Variants in WWC2 observed in about 807,000 individuals in gnomAD.
The protein encoded by WWC2 is protein WWC2.
A neutral mutation model predicts 138.5 loss-of-function variants in WWC2; 101 were observed. That is an observed-to-expected ratio of 0.73 (90% CI 0.62 to 0.86). The LOEUF (loss-of-function observed/expected upper bound fraction) is 0.86. WWC2 is among the 40% of genes least tolerant of loss of function. The probability of loss-of-function intolerance (pLI) is 0.00; values close to 1 mark genes in which losing one functional copy is unlikely to be tolerated. For synonymous variants in WWC2, 558 were observed against 538.4 expected (o/e 1.04, Z -0.50); for missense variants, 1,420 against 1,419.4 (o/e 1.00, Z -0.01).
chr4:183,282,774 A>G lies in WWC2; in HGVS notation c.2751A>G (p.Pro917=), dbSNP rs753212486. ...VAEKEAEVKL[P]EDSSCTEDLS... ...AAAAAGAGGCTGAAGTTAAATTGCC[A>G]GAGGACAGTAGCTGTACAGAAGATT... is the stretch of plus-strand genomic sequence containing the variant. Residue 917 remains proline, a synonymous_variant, in exon 18 of 23, where the codon CCA becomes CCG. Transcript: ENST00000403733. 9 of 1,581,716 alleles carry G rather than the reference A, an allele frequency of 5.7e-6. No individual in the cohort carries two copies. The highest frequency in any genetic ancestry group is 7.7e-6 in the Non-Finnish European group (9 of 1,163,188).
At chr4:183,307,664 A>G (rs1014261768) in intron 21 of WWC2, among the ~76,000 whole-genome samples, 1 of 152,250 alleles carries the variant, frequency 6.6e-6, no homozygotes, top group African/African-American at 2.4e-5. Flanking sequence ...AGTGAATCAC[A>G]TCAACACCTG....
chr4:183,207,120 A>G (rs542760256), intron 2 of WWC2, among the ~76,000 whole-genome samples: 5 of 152,070 alleles, frequency 3.3e-5, no homozygotes, highest in African/African-American at 4.8e-5. Context: ...CGGCTGCTCA[A>G]TGGAATCACC....
intron 1 of WWC2, among the ~76,000 whole-genome samples, chr4:183,140,405 G>A (rs939650424): frequency 6.6e-6 from 1 of 152,158 alleles, no homozygotes; most frequent in Non-Finnish European, 1.5e-5. Context: ...TAGATGTGGG[G>A]CCTGGGAATC....
rs550595802 is a variant in WWC2, at chr4:183,317,753, A to G, written c.*2024A>G. On this transcript the variant is annotated 3_prime_UTR_variant, in exon 23 of 23. Coordinates refer to ENST00000403733, the MANE Select transcript of WWC2 (RefSeq NM_024949.6). ...ACTATATTGGAATATTTACAGCTTT[A>G]TAAGTCTTTCATCAGATTAGCTGTT... 1 of 152,280 alleles carries G rather than the reference A, an allele frequency of 6.6e-6. No individual in the cohort carries two copies. The highest frequency in any genetic ancestry group is 1.5e-5 in the Non-Finnish European group (1 of 68,024). The allele number at this position is 152,280 out of a possible 1,614,324, so 9.4% of individuals were successfully genotyped here.
intron 8 of WWC2, among the ~76,000 whole-genome samples, chr4:183,250,935 G>T (rs1736960286): frequency 6.6e-6 from 1 of 152,116 alleles, no homozygotes; most frequent in Non-Finnish European, 1.5e-5. Context: ...AGGTTATCAG[G>T]CTTTAACAAA....
chr4:183,319,606 G>C lies in WWC2; in HGVS notation c.*3877G>C. 6.2e-7 allele frequency: 1 copy of C among 1,613,860 alleles called. No homozygotes were observed. Among genetic ancestry groups the C allele is most frequent in the South Asian group, 1.1e-5 (1 of 91,034 alleles). ...GTCTCCAGTTCTTGATGATGATCTT[G>C]TGTTTGTGCCACTGCGTAGTGGCCC... On this transcript the variant is annotated 3_prime_UTR_variant, in exon 23 of 23. Coordinates refer to ENST00000403733, the MANE Select transcript of WWC2 (RefSeq NM_024949.6).
intron 1 of WWC2, among the ~76,000 whole-genome samples, chr4:183,135,312 G>A (rs1733075074): frequency 6.6e-6 from 1 of 151,480 alleles, no homozygotes; most frequent in South Asian, 2.1e-4. Context: ...TGTACTTTTT[G>A]TTTCCCCTGC....
chr4:183,167,049 G>A (rs1176134236), intron 1 of WWC2, among the ~76,000 whole-genome samples: 2 of 152,128 alleles, frequency 1.3e-5, no homozygotes, highest in Non-Finnish European at 2.9e-5. Context: ...TTTGTCATTT[G>A]CACCATGGAA....
intron 21 of WWC2, among the ~76,000 whole-genome samples, chr4:183,297,205 T>G (rs1467904712): frequency 6.6e-6 from 1 of 152,040 alleles, no homozygotes; most frequent in Non-Finnish European, 1.5e-5. Flanking sequence ...ACTCCTGATC[T>G]CAAGCAAGCC....
intron 1 of WWC2, among the ~76,000 whole-genome samples, chr4:183,106,950 G>T (rs961565382): frequency 6.6e-6 from 1 of 152,102 alleles, no homozygotes; most frequent in African/African-American, 2.4e-5. Context: ...GTCTAAAAGT[G>T]GAGTTGCTGG....
intron 1 of WWC2, among the ~76,000 whole-genome samples, chr4:183,178,425 A>C (rs1011455052): frequency 6.2e-5 from 8 of 129,056 alleles, no homozygotes; most frequent in African/African-American, 2.3e-4. Flanking sequence ...AATAAATTTA[A>C]AAAATTAGCC....
At chr4:183,304,926 C>T (rs1327003228) in intron 21 of WWC2, among the ~76,000 whole-genome samples, 1 of 152,156 alleles carries the variant, frequency 6.6e-6, no homozygotes, top group Non-Finnish European at 1.5e-5. Context: ...ACCAGACTCA[C>T]ACATGGCAGG....
At chr4:183,314,545 G>A (rs888609082) in intron 22 of WWC2, among the ~76,000 whole-genome samples, 1 of 152,306 alleles carries the variant, frequency 6.6e-6, no homozygotes, top group Non-Finnish European at 1.5e-5. Context: ...GGCCTGGGCC[G>A]TTCTGCCCGG....
At chr4:183,226,002 T>C (rs896438004) in intron 4 of WWC2, among the ~76,000 whole-genome samples, 1 of 152,084 alleles carries the variant, frequency 6.6e-6, no homozygotes, top group Non-Finnish European at 1.5e-5. Flanking sequence ...ATGAGCATAC[T>C]GTCCAGCCTG....
intron 1 of WWC2, among the ~76,000 whole-genome samples, chr4:183,140,082 G>A (rs1416308913): frequency 6.6e-6 from 1 of 152,208 alleles, no homozygotes; most frequent in South Asian, 2.1e-4. Context: ...AAAGTCCTGG[G>A]ATTATAGGCG....
At chr4:183,155,278 C>T (rs1733773212) in intron 1 of WWC2, among the ~76,000 whole-genome samples, 1 of 150,620 alleles carries the variant, frequency 6.6e-6, no homozygotes. Context: ...CCACATTTGG[C>T]TTTGAGGATC....
At chr4:183,232,277 A>G (rs1405329140) in intron 4 of WWC2, among the ~76,000 whole-genome samples, 1 of 152,140 alleles carries the variant, frequency 6.6e-6, no homozygotes, top group Non-Finnish European at 1.5e-5. Context: ...TTATTAAGAA[A>G]CCATACAATT....
Position 183,313,184 on chromosome 4 carries a change from C to T in WWC2, c.3512+716C>T, listed in dbSNP as rs111809279. On this transcript the variant is annotated intron_variant, in intron 22 of 22. Coordinates refer to ENST00000403733, the MANE Select transcript of WWC2 (RefSeq NM_024949.6). ...CTTAGAAGTCAGTGCCAAGCTCTGG[C>T]GCATGGGGAGTTGCCAGCTGGTGAG... is the stretch of plus-strand genomic sequence containing the variant. Among the ~76,000 whole-genome samples, 22 of 152,240 alleles carry T rather than the reference C, an allele frequency of 1.4e-4. No homozygotes were observed. In the South Asian group the frequency reaches 3.5e-3, roughly 24 times the overall value.
chr4:183,315,068 G>A (rs1560901744), intron 22 of WWC2, among the ~76,000 whole-genome samples: 1 of 152,232 alleles, frequency 6.6e-6, no homozygotes, highest in Non-Finnish European at 1.5e-5. Flanking sequence ...GTTCTGTAGG[G>A]AAATAGACGC....
Sources: gnomAD v4.1 joint callset for allele counts (sites outside exome capture counted in the v4.1 genomes callset) on GRCh38, gnomAD v4.1.1 for gene constraint, MANE v1.5 for transcripts, NCBI Gene and HGNC (gene_info 2026-07-23, HGNC 2026-07-21) for gene names.